MGAT4C: variants seen among roughly 807,000 people sequenced by gnomAD.
MGAT4C encodes the protein alpha-1,3-mannosyl-glycoprotein 4-beta-N-acetylglucosaminyltransferase C.
MGAT4C carries 19 observed loss-of-function variants against 40.1 expected under a neutral mutation model. The ratio of observed to expected loss-of-function variants is 0.47; its 90% confidence interval spans 0.33 to 0.70. The LOEUF is 0.70. Ranked by LOEUF, MGAT4C falls within the 30% of genes least tolerant of loss-of-function variation. The pLI, the probability that MGAT4C is intolerant of heterozygous loss-of-function variation, is 0.02. For synonymous variants in MGAT4C, 181 were observed against 187.1 expected (o/e 0.97, Z 0.27); for missense variants, 491 against 563.2 (o/e 0.87, Z 1.30).
At chr12:86,546,604 T>A (rs1461574967) in intron 2 of MGAT4C, among the ~76,000 whole-genome samples, 1 of 152,088 alleles carries the variant, frequency 6.6e-6, no homozygotes, top group Non-Finnish European at 1.5e-5. Context: ...AGAGGCAAAT[T>A]TTAAAAATGC....
chr12:86,734,997 G>A (rs939495321), intron 1 of MGAT4C, among the ~76,000 whole-genome samples: 7 of 151,928 alleles, frequency 4.6e-5, no homozygotes, highest in Admixed American at 3.3e-4. Context: ...GAACTTGGCC[G>A]AGTAAACTTG....
chr12:86,646,656 T>TACAAGTTCACTTCTGTC (rs1186790058), intron 2 of MGAT4C, among the ~76,000 whole-genome samples: 1 of 151,956 alleles, frequency 6.6e-6, no homozygotes, highest in African/African-American at 2.4e-5. Context: ...TCACTTCTGT[T>TACAAGTTCACTTCTGTC]ACAAGTTCAC....
chr12:86,003,286 A>G (rs556953353), intron 2 of MGAT4C, among the ~76,000 whole-genome samples: 1 of 152,330 alleles, frequency 6.6e-6, no homozygotes, highest in East Asian at 1.9e-4. Context: ...TTTCTGATAT[A>G]TCAACATTCA....
At chr12:86,189,427 GA>G (rs535729754) in intron 1 of MGAT4C, among the ~76,000 whole-genome samples, 228 of 151,724 alleles carry the variant, frequency 1.5e-3, no homozygotes, top group African/African-American at 5.1e-3. Context: ...ACAATAAGCT[GA>G]AAAAAATACA....
intron 1 of MGAT4C, among the ~76,000 whole-genome samples, chr12:86,195,461 C>G (rs1949767448): frequency 6.6e-6 from 1 of 152,008 alleles, no homozygotes; most frequent in Admixed American, 6.6e-5. Flanking sequence ...TAAACTCTTT[C>G]TTGATTAAAG....
At chr12:86,396,466 C>A (rs1956265189) in intron 3 of MGAT4C, among the ~76,000 whole-genome samples, 1 of 152,204 alleles carries the variant, frequency 6.6e-6, no homozygotes, top group African/African-American at 2.4e-5. Context: ...CAAAAAGACA[C>A]TGCTGCATTT....
At chr12:86,095,999 T>C (rs1873844659) in intron 1 of MGAT4C, among the ~76,000 whole-genome samples, 1 of 151,888 alleles carries the variant, frequency 6.6e-6, no homozygotes, top group South Asian at 2.1e-4. Flanking sequence ...TCCATGTTTA[T>C]AGCAGTTTGT....
chr12:86,113,416 G>A (rs889491167), intron 1 of MGAT4C, among the ~76,000 whole-genome samples: 4 of 151,726 alleles, frequency 2.6e-5, no homozygotes, highest in Non-Finnish European at 4.4e-5. Context: ...TTTGGTTAAA[G>A]GTGATTTTGG....
intron 2 of MGAT4C, among the ~76,000 whole-genome samples, chr12:86,669,032 C>A (rs1218624322): frequency 6.6e-6 from 1 of 152,126 alleles, no homozygotes; most frequent in Non-Finnish European, 1.5e-5. Flanking sequence ...GTATTTGGAG[C>A]ACTTGCTTGC....
intron 1 of MGAT4C, among the ~76,000 whole-genome samples, chr12:86,764,955 G>A (rs1951477318): frequency 6.6e-6 from 1 of 152,182 alleles, no homozygotes; most frequent in South Asian, 2.1e-4. Flanking sequence ...AAAAAGCAGA[G>A]CGCCTCTCCT....
intron 1 of MGAT4C, among the ~76,000 whole-genome samples, chr12:86,832,348 A>G (rs1345378168): frequency 6.6e-6 from 1 of 151,828 alleles, no homozygotes; most frequent in Non-Finnish European, 1.5e-5. Flanking sequence ...TTGCAAAATT[A>G]AGCACAAAAT....
chr12:86,196,389 C>T (rs562436759), intron 1 of MGAT4C, among the ~76,000 whole-genome samples: 3 of 152,200 alleles, frequency 2.0e-5, no homozygotes, highest in Non-Finnish European at 4.4e-5. Flanking sequence ...GAAGCCCCAT[C>T]CCTGTGGCCT....
intron 3 of MGAT4C, among the ~76,000 whole-genome samples, chr12:86,357,365 G>A (rs56368895): frequency 0.085 from 12,907 of 152,180 alleles, 761 homozygotes; most frequent in Middle Eastern, 0.22. Context: ...ACCACAAAAC[G>A]GGGAGAAACT....
intron 2 of MGAT4C, among the ~76,000 whole-genome samples, chr12:86,647,587 C>T (rs369921725): frequency 6.6e-6 from 1 of 151,822 alleles, no homozygotes; most frequent in African/African-American, 2.4e-5. Flanking sequence ...GGAAATTCTT[C>T]TTGGGTTTTA....
At chr12:86,397,773 C>A (rs1956286660) in intron 3 of MGAT4C, among the ~76,000 whole-genome samples, 1 of 151,924 alleles carries the variant, frequency 6.6e-6, no homozygotes, top group Non-Finnish European at 1.5e-5. Context: ...CTAGCCTGGG[C>A]AAAATAAGAG....
chr12:85,986,749 G>T (rs547824781), intron 3 of MGAT4C, among the ~76,000 whole-genome samples: 90 of 152,034 alleles, frequency 5.9e-4, no homozygotes, highest in African/African-American at 2.2e-3. Flanking sequence ...GAAGAAAGAA[G>T]AAAAATGAGT....
At chr12:86,410,006 G>A (rs138999517) in intron 3 of MGAT4C, among the ~76,000 whole-genome samples, 57 of 152,164 alleles carry the variant, frequency 3.7e-4, no homozygotes, top group African/African-American at 1.3e-3. Flanking sequence ...CTTTAAAGGC[G>A]GAGGGGGTGT....
chr12:86,485,061 G>A (rs1244705031), intron 2 of MGAT4C, among the ~76,000 whole-genome samples: 1 of 152,098 alleles, frequency 6.6e-6, no homozygotes, highest in Non-Finnish European at 1.5e-5. Context: ...TAAAAATCCT[G>A]TATAAAGGCT....
chr12:86,332,984 T>A (rs905301870), intron 4 of MGAT4C, among the ~76,000 whole-genome samples: 1 of 152,166 alleles, frequency 6.6e-6, no homozygotes, highest in African/African-American at 2.4e-5. Flanking sequence ...AAAGGCTATA[T>A]GAAACAAGCA....
Sources: gnomAD v4.1 joint callset for allele counts (sites outside exome capture counted in the v4.1 genomes callset) on GRCh38, gnomAD v4.1.1 for gene constraint, MANE v1.5 for transcripts, NCBI Gene and HGNC (gene_info 2026-07-23, HGNC 2026-07-21) for gene names.